Variants in RHOBTB2 observed in about 807,000 individuals in gnomAD.
RHOBTB2 encodes Rho related BTB domain containing 2, also known as rho-related BTB domain-containing protein 2.
RHOBTB2 carries 39 observed loss-of-function variants against 66.5 expected under a neutral mutation model. The observed-to-expected ratio is 0.59, with a 90% confidence interval of 0.45 to 0.77. The LOEUF is 0.77. RHOBTB2 is among the 30% of genes least tolerant of loss of function. The pLI is 0.00. For synonymous variants in RHOBTB2, 390 were observed against 395.0 expected (o/e 0.99, Z 0.15); for missense variants, 755 against 999.1 (o/e 0.76, Z 3.29).
chr8:22,986,265 CTTTTTTTTTT>C (rs33995780), upstream of RHOBTB2, among the ~76,000 whole-genome samples: 3 of 84,986 alleles, frequency 3.5e-5, no homozygotes, highest in African/African-American at 1.4e-4. Flanking sequence ...CAGTGCATTG[CTTTTTTTTTT>C]TTTTTTTTTT....
At chr8:22,956,852 G>T in the RHOBTB2 span, among the ~76,000 whole-genome samples, 1 of 152,104 alleles carries the variant, frequency 6.6e-6, no homozygotes, top group Non-Finnish European at 1.5e-5. Flanking sequence ...TAGAGACGGG[G>T]TATCTCCGTG....
At chr8:22,950,818 G>A in the RHOBTB2 span, among the ~76,000 whole-genome samples, 2 of 152,120 alleles carry the variant, frequency 1.3e-5, no homozygotes, top group African/African-American at 4.8e-5. Flanking sequence ...GTGCTGTGTT[G>A]TCTGCTTCTT....
rs552129881 is a variant in RHOBTB2 at position 23,018,098 on chromosome 8, GCA to G, written c.*632_*633del. On this transcript the variant is annotated 3_prime_UTR_variant, in exon 10 of 10. Transcript: ENST00000251822. ...CCCTCCGTCCCAGGGGGCTGTGCTA[GCA>G]CAGACCTGAGAATGGGGACACAGGT... 124 of 153,646 alleles carry G rather than the reference GCA, an allele frequency of 8.1e-4. No individual in the cohort carries two copies. Among genetic ancestry groups the G allele is most frequent in the South Asian group, 2.8e-3 (14 of 4,940 alleles). 9.5% of individuals were successfully genotyped at this position (153,646 alleles called of 1,614,324 possible).
At chr8:22,959,733 C>A in the RHOBTB2 span, among the ~76,000 whole-genome samples, 3 of 152,016 alleles carry the variant, frequency 2.0e-5, no homozygotes, top group African/African-American at 4.8e-5. Flanking sequence ...TGCTCTACCC[C>A]CTGTGGTTAC....
chr8:22,983,368 A>G (rs565989777), upstream of RHOBTB2, among the ~76,000 whole-genome samples: 2 of 151,836 alleles, frequency 1.3e-5, no homozygotes, highest in South Asian at 2.1e-4. Context: ...GAAGAAGAAG[A>G]AGGAGCAAGG....
chr8:22,962,179 CAAAAAAAAAAAAAAAAAA>C, the RHOBTB2 span, among the ~76,000 whole-genome samples: 1 of 13,844 alleles, frequency 7.2e-5, no homozygotes, highest in Non-Finnish European at 1.2e-4. Flanking sequence ...AACGAATTTA[CAAAAAAAAAAAAAAAAAA>C]AAAAAAAAAA....
intron 7 of RHOBTB2, among the ~76,000 whole-genome samples, chr8:23,012,231 G>A (rs1811169288): frequency 6.6e-6 from 1 of 152,174 alleles, no homozygotes; most frequent in South Asian, 2.1e-4. Flanking sequence ...ATGCATAAAG[G>A]TATTTCTAGA....
chr8:23,014,697 C>T lies in RHOBTB2; in HGVS notation c.1779C>T (p.Tyr593=). ...LPHLVALTEQ[Y]TVTGLMEATQ... The stretch of plus-strand genomic sequence containing the variant: ...TGGCCGTGTGTGTTACAGAGCAGTA[C>T]ACAGTGACCGGGCTGATGGAAGCGA... Residue 593 remains tyrosine (Y), a synonymous_variant, in exon 8 of 10, where the codon TAC becomes TAT. Coordinates refer to ENST00000251822, the MANE Select transcript of RHOBTB2 (RefSeq NM_015178.3). 1.2e-6 allele frequency: 2 copies of T among 1,613,970 alleles called. No individual in the cohort carries two copies. The highest frequency in any genetic ancestry group is 1.1e-5 in the South Asian group (1 of 91,058).
In RHOBTB2 at chr8:23,000,080, G is replaced by C; in HGVS notation, c.-36G>C. The C allele has an allele frequency of 1.0e-6, 1 of 985,490 alleles. No individual in the cohort carries two copies. Among genetic ancestry groups the C allele is most frequent in the Non-Finnish European group, 1.2e-6 (1 of 829,946 alleles). The allele number at this position is 985,490 out of a possible 1,614,324, so 61.0% of individuals were successfully genotyped here. ...AGGAAGAGATGTGTTCCTCACGCTA[G>C]AAGCCACCCCGTCACATGTAGTGGT... On this transcript the variant is annotated 5_prime_UTR_variant, in exon 1 of 10. An upstream open reading frame in the 5' UTR loses its in-frame stop. Coordinates refer to ENST00000251822, the MANE Select transcript of RHOBTB2 (RefSeq NM_015178.3).
At position 23,006,951 on chromosome 8, in the gene RHOBTB2, C is replaced by T. The variant is rs770545947; in HGVS notation, c.706C>T (p.Pro236Ser). 5.6e-6 allele frequency: 9 copies of T among 1,612,386 alleles called. No homozygotes were observed. The highest frequency in any genetic ancestry group is 2.2e-5 in the East Asian group (1 of 44,878). Residue 236 changes from proline (P) to serine (S), a missense_variant, in exon 5 of 10, where the codon CCC becomes TCC. Physicochemically the swap from Pro to Ser is moderately conservative, Grantham distance 74. This residue lies in a region of RHOBTB2 where 247 missense variants were observed against 238.9 expected (regional missense o/e 1.03). Transcript: ENST00000251822. The surrounding 1 kb of genome is among the most constrained non-coding windows in gnomAD (Gnocchi z 6.1). ...RPLLQAPFLP[P>S]KPPPPIIVVP... is the part of the protein sequence containing the mutation. ...TCTGCTGCAGGCACCCTTCCTACCCCCCAAGCCACCGCCCCCGATCATCGT... is the reference window on the plus strand; with the variant it reads ...TCTGCTGCAGGCACCCTTCCTACCCTCCAAGCCACCGCCCCCGATCATCGT...
rs1328102717 is a variant in RHOBTB2, at chr8:23,007,172, G to T, written c.927G>T (p.Ser309=). The T allele has an allele frequency of 1.2e-6, 2 of 1,603,996 alleles. No homozygotes were observed. The highest frequency in any genetic ancestry group is 1.3e-5 in the African/African-American group (1 of 75,010). ...GTGAGGGGGAGCTGGGGGGCCCCTC[G>T]GAGCCAGGGGGCACCCACCCAGAGG... ...DLSEGELGGP[S]EPGGTHPEDH... is the part of the protein sequence containing the mutation. Residue 309 remains serine, a synonymous_variant, in exon 5 of 10, where the codon TCG becomes TCT. Coordinates refer to ENST00000251822, the MANE Select transcript of RHOBTB2 (RefSeq NM_015178.3).
At chr8:22,958,080 G>T in the RHOBTB2 span, among the ~76,000 whole-genome samples, 1 of 152,196 alleles carries the variant, frequency 6.6e-6, no homozygotes, top group Non-Finnish European at 1.5e-5. Context: ...GACGTGCACT[G>T]GCTCTTTTGG....
intron 2 of RHOBTB2, among the ~76,000 whole-genome samples, chr8:22,994,088 T>C (rs906544849): frequency 2.0e-5 from 3 of 152,108 alleles, no homozygotes; most frequent in Admixed American, 1.3e-4. Context: ...ACCAAGAAAA[T>C]ATAGACCTTC....
At chr8:22,999,536 G>T, upstream of RHOBTB2, 1 of 1,136,324 alleles carries the variant, frequency 8.8e-7, no homozygotes, top group East Asian at 1.0e-4. Context: ...CCAACTGCGC[G>T]CGGCAGTGGG....
chr8:22,999,444 G>T, upstream of RHOBTB2: 1 of 530,660 alleles, frequency 1.9e-6, no homozygotes, highest in Non-Finnish European at 2.5e-6. Flanking sequence ...GGGCGGGAGC[G>T]GTGCTGCGAG....
chr8:23,015,876 C>G (rs1459534141), intron 9 of RHOBTB2, 133 bp downstream of exon 9: 1 of 678,034 alleles, frequency 1.5e-6, no homozygotes, highest in Non-Finnish European at 2.5e-6. Flanking sequence ...TGCAAAGGAG[C>G]CTCCAGCCAA....
intron 2 of RHOBTB2, among the ~76,000 whole-genome samples, chr8:22,992,531 G>A (rs1487149661): frequency 6.6e-6 from 1 of 152,090 alleles, no homozygotes; most frequent in Non-Finnish European, 1.5e-5. Flanking sequence ...TTGCATTTTT[G>A]TCTCCCTCTT....
intron 1 of RHOBTB2, among the ~76,000 whole-genome samples, chr8:22,987,970 A>T (rs1327658082): frequency 1.3e-5 from 2 of 151,934 alleles, no homozygotes; most frequent in Non-Finnish European, 1.5e-5. Context: ...GATCAAGTAG[A>T]TGACACTGCA....
At chr8:22,974,878 C>G in the RHOBTB2 span, among the ~76,000 whole-genome samples, 1 of 152,080 alleles carries the variant, frequency 6.6e-6, no homozygotes, top group Non-Finnish European at 1.5e-5. Flanking sequence ...CTTTAAAGAC[C>G]CGCGCATAAA....
Sources: gnomAD v4.1 joint callset for allele counts (sites outside exome capture counted in the v4.1 genomes callset) on GRCh38, gnomAD v4.1.1 for gene constraint, gnomAD v4.1.1 regional missense constraint, Gnocchi (gnomAD v3.1) non-coding constraint, MANE v1.5 for transcripts, NCBI Gene and HGNC (gene_info 2026-07-23, HGNC 2026-07-21) for gene names.